Variants in CAPN10 observed in about 807,000 individuals in gnomAD.
The protein encoded by CAPN10 is calpain 10.
Under a neutral mutation model 78.4 loss-of-function variants are expected in CAPN10, and 71 were observed. The observed-to-expected ratio is 0.91, with a 90% confidence interval of 0.75 to 1.10. The LOEUF is 1.10. Ranked by LOEUF, CAPN10 falls within the 50% of genes least tolerant of loss-of-function variation. CAPN10 has a pLI of 0.00. For synonymous variants in CAPN10, 437 were observed against 407.2 expected, an observed-to-expected ratio of 1.07 and a Z score of -0.88; for missense variants, 849 against 924.6, an observed-to-expected ratio of 0.92 and a Z score of 1.06.
rs1330633334 is a variant in CAPN10 at position 240,595,296 on chromosome 2, C to T, written c.1270C>T (p.Leu424Phe). The change falls in exon 7 of 12, where the codon CTC becomes TTC. Residue 424 changes from leucine to phenylalanine, a missense_variant. Leu to Phe is a conservative substitution (Grantham distance 22). Coordinates refer to ENST00000391984, the MANE Select transcript of CAPN10 (RefSeq NM_023083.4). The stretch of plus-strand genomic sequence containing the variant: ...GCACTACCAGGCTGTGGGTCTGCAC[C>T]TCTGGAAGGTAACTCAGCCCCGTCT... ...GKHYQAVGLH[L>F]WKVEKRRVNL... 1 of 1,613,038 alleles carries T rather than the reference C, an allele frequency of 6.2e-7. No homozygotes were observed. The highest frequency in any genetic ancestry group is 8.5e-7 in the Non-Finnish European group (1 of 1,179,992).
chr2:240,593,646 G>A (rs1410703123), intron 4 of CAPN10, among the ~76,000 whole-genome samples: 1 of 152,198 alleles, frequency 6.6e-6, no homozygotes, highest in African/African-American at 2.4e-5. Flanking sequence ...CTAGAGAAGG[G>A]GATGACTTAC....
chr2:240,596,859 C>G lies in CAPN10; in HGVS notation c.1660C>G (p.Pro554Ala), dbSNP rs945747188. The G allele has an allele frequency of 6.2e-7, 1 of 1,613,492 alleles. No homozygotes were observed. Among genetic ancestry groups the G allele is most frequent in the Admixed American group, 1.7e-5 (1 of 60,006 alleles). ...CTTCTCGGTCCCCGAGGGCCCTGGC[C>G]CCCGCTGCGTCCGCATCACTCTGCA... ...FPFSVPEGPG[P>A]RCVRITLHQH... Residue 554 changes from proline (P) to alanine (A), a missense_variant, in exon 9 of 12, where the codon CCC becomes GCC. Coordinates refer to ENST00000391984, the MANE Select transcript of CAPN10 (RefSeq NM_023083.4).
Position 240,595,024 on chromosome 2 carries a change from A to G in CAPN10, c.998A>G (p.Glu333Gly). 1 of 1,612,766 alleles carries G rather than the reference A, an allele frequency of 6.2e-7. No individual in the cohort carries two copies. The highest frequency in any genetic ancestry group is 1.1e-5 in the South Asian group (1 of 91,050). The stretch of plus-strand genomic sequence containing the variant: ...CTGATGCCTGGTGTTTTCTCACTAG[A>G]GAGGCTGCTCTGCCATACGCGGGCG... ...EAGHLQSLYT[E>G]RLLCHTRALP... The change falls in exon 7 of 12, where the codon GAG becomes GGG. Residue 333 changes from glutamate to glycine, a missense_variant and splice_region_variant. Transcript: ENST00000391984.
chr2:240,598,903 G>A lies in CAPN10; in HGVS notation c.*223G>A, dbSNP rs1279530503. ...TGCTGCAAGGAAGGGTGGGAAGCTT[G>A]CTGGCTTCTGTTGCGCCACTGAGAC... is the stretch of plus-strand genomic sequence containing the variant. On this transcript the variant is annotated 3_prime_UTR_variant, in exon 12 of 12. Coordinates refer to ENST00000391984, the MANE Select transcript of CAPN10 (RefSeq NM_023083.4). 13 of 589,510 alleles carry A rather than the reference G, an allele frequency of 2.2e-5. No homozygotes were observed. The highest frequency in any genetic ancestry group is 4.0e-5 in the Non-Finnish European group (13 of 324,726). 36.5% of individuals were successfully genotyped at this position (589,510 alleles called of 1,614,324 possible). A position where few individuals can be genotyped will look rare whatever the true frequency, so the allele number is the denominator to read the frequency against.
At chr2:240,588,022 T>A (rs1299034642) in intron 1 of CAPN10, among the ~76,000 whole-genome samples, 2 of 152,002 alleles carry the variant, frequency 1.3e-5, no homozygotes, top group Non-Finnish European at 2.9e-5. Context: ...TTGGAGTAGA[T>A]TGGTTTGAGA....
chr2:240,589,528 T>C (rs1488867927), intron 2 of CAPN10, 54 bp downstream of exon 2: 2 of 1,557,802 alleles, frequency 1.3e-6, no homozygotes, highest in Non-Finnish European at 1.7e-6. Flanking sequence ...TTTGCGTTTC[T>C]CCAGCCTGCT....
intron 9 of CAPN10, 42 bp downstream of exon 9, chr2:240,596,984 C>T (rs1298029310): frequency 6.2e-7 from 1 of 1,611,322 alleles, no homozygotes; most frequent in Middle Eastern, 1.7e-4. Flanking sequence ...GCAGAAGGGG[C>T]CCTCAGAGAA....
intron 9 of CAPN10, among the ~76,000 whole-genome samples, chr2:240,597,189 G>A (rs369113618): frequency 6.6e-6 from 1 of 152,262 alleles, no homozygotes; most frequent in East Asian, 1.9e-4. Flanking sequence ...AGGCAGGGCA[G>A]GTTTCCAGAG....
At position 240,598,700 on chromosome 2, in the gene CAPN10, A is replaced by G. The variant is rs939885329; in HGVS notation, c.*20A>G. The G allele has an allele frequency of 6.4e-7, 1 of 1,566,082 alleles. No homozygotes were observed. The highest frequency in any genetic ancestry group is 1.3e-5 in the African/African-American group (1 of 74,424). On this transcript the variant is annotated 3_prime_UTR_variant, in exon 12 of 12. Coordinates refer to ENST00000391984, the MANE Select transcript of CAPN10 (RefSeq NM_023083.4). ...ACCTAACAGGGTGGCCCCCTGTGCC[A>G]GCTCAGGTGACTGGAGCCCGAGGGC...
In CAPN10 at chr2:240,591,018, G is replaced by A. The variant is rs1559423843; in HGVS notation, c.470+7G>A. On this transcript the variant is annotated splice_region_variant and intron_variant, in intron 3 of 11. Coordinates refer to ENST00000391984, the MANE Select transcript of CAPN10 (RefSeq NM_023083.4). ...TGGAAAAGGTCTACGCCAAGTGCGT[G>A]TGCTGGGGGCTGAAGGGCCTGGCCT... The A allele has an allele frequency of 3.7e-6, 6 of 1,612,626 alleles. No homozygotes were observed. Among genetic ancestry groups the A allele is most frequent in the Non-Finnish European group, 4.2e-6 (5 of 1,179,006 alleles).
At chr2:240,598,301 A>C (rs1320425323) in intron 10 of CAPN10, 51 bp from the exon 11 acceptor site, 7 of 1,601,686 alleles carry the variant, frequency 4.4e-6, no homozygotes, top group Non-Finnish European at 6.0e-6. Context: ...GCACACAGCC[A>C]CTTGTGTGAC....
Position 240,592,098 on chromosome 2 carries a change from C to T in CAPN10, c.636C>T (p.Leu212=), listed in dbSNP as rs773029170. The change falls in exon 4 of 12, where the codon CTC becomes CTT. Residue 212 remains leucine, a synonymous_variant. Coordinates refer to ENST00000391984, the MANE Select transcript of CAPN10 (RefSeq NM_023083.4). ...AGCACAGGACTTGTCGGCAGCTGCT[C>T]CACCTGAAGGACCAGTGTCTGATCA... The part of the protein sequence containing the change: ...RWEHRTCRQL[L]HLKDQCLISC... 2 of 1,593,042 alleles carry T rather than the reference C, an allele frequency of 1.3e-6. No homozygotes were observed. The highest frequency in any genetic ancestry group is 1.8e-5 in the Admixed American group (1 of 55,052).
At chr2:240,594,483 C>T (rs560257210) in intron 5 of CAPN10, 60 bp from the exon 6 acceptor site, 28 of 1,543,634 alleles carry the variant, frequency 1.8e-5, no homozygotes, top group African/African-American at 2.7e-5. Flanking sequence ...CCCAGCCTGC[C>T]GGCAAGTTGA....
rs1271319019 is a variant in CAPN10 at position 240,586,741 on chromosome 2, C to G, written c.-171C>G. ...CGCCTGGTTACCAATGGGAGACTAGCGGGCCGGCGTACTGGCCTGGTCCAG... is the reference window on the plus strand; with the variant it reads ...CGCCTGGTTACCAATGGGAGACTAGGGGGCCGGCGTACTGGCCTGGTCCAG... On this transcript the variant is annotated 5_prime_UTR_variant, in exon 1 of 12. Transcript: ENST00000391984. 1.2e-5 allele frequency: 6 copies of G among 505,464 alleles called. No individual in the cohort carries two copies. The highest frequency in any genetic ancestry group is 1.8e-5 in the Non-Finnish European group (6 of 325,914). The allele number at this position is 505,464 out of a possible 1,614,324, so 31.3% of individuals were successfully genotyped here.
chr2:240,590,118 T>G (rs2093092225), intron 2 of CAPN10: 1 of 151,696 alleles, frequency 6.6e-6, no homozygotes, highest in Admixed American at 6.6e-5. Context: ...CAGCTTTGAC[T>G]TTTTTTTTAA....
At chr2:240,588,939 G>A (rs2093084409) in intron 1 of CAPN10, among the ~76,000 whole-genome samples, 1 of 151,924 alleles carries the variant, frequency 6.6e-6, no homozygotes, top group African/African-American at 2.4e-5. Context: ...TGAGTAGACG[G>A]GGAGAAAGGG....
At chr2:240,593,726 A>G (rs2093117671) in intron 4 of CAPN10, among the ~76,000 whole-genome samples, 180 bp from the exon 5 acceptor site, 1 of 152,122 alleles carries the variant, frequency 6.6e-6, no homozygotes. Context: ...TCCTGAGCTG[A>G]TGGGTCACAG....
In CAPN10 at chr2:240,596,020, T is replaced by A; in HGVS notation, c.1279-299T>A. 5 of 1,475,850 alleles carry A rather than the reference T, an allele frequency of 3.4e-6. 1 individual carries two copies. The South Asian group carries it at 6.1e-5, about 18-fold the overall frequency. 91.4% of individuals were successfully genotyped at this position (1,475,850 alleles called of 1,614,324 possible). A position where few individuals can be genotyped will look rare whatever the true frequency, so the allele number is the denominator to read the frequency against. ...CCTTTCCTCTTGCAAAAGAAGTTGC[T>A]GGAAGGCCCACTGTCCAGCAGCCCC... On this transcript the variant is annotated intron_variant, in intron 7 of 11. Coordinates refer to ENST00000391984, the MANE Select transcript of CAPN10 (RefSeq NM_023083.4).
chr2:240,598,162 C>G (rs2093149411), intron 10 of CAPN10, 75 bp downstream of exon 10: 1 of 1,433,742 alleles, frequency 7.0e-7, no homozygotes, highest in African/African-American at 1.4e-5. Flanking sequence ...TGTCCCCCCA[C>G]GTCTCCTGCC....
Sources: gnomAD v4.1 joint callset for allele counts (sites outside exome capture counted in the v4.1 genomes callset) on GRCh38, gnomAD v4.1.1 for gene constraint, MANE v1.5 for transcripts, NCBI Gene and HGNC (gene_info 2026-07-23, HGNC 2026-07-21) for gene names.